SNTG1: variants seen among roughly 807,000 people sequenced by gnomAD.
SNTG1 encodes syntrophin gamma 1.
A neutral mutation model predicts 74.7 loss-of-function variants in SNTG1; 39 were observed. The ratio of observed to expected loss-of-function variants is 0.52; its 90% CI spans 0.40 to 0.68. SNTG1 has a LOEUF of 0.68. Among genes scored for constraint, SNTG1 ranks in the 30% least tolerant of loss-of-function variants. SNTG1 has a pLI of 0.00. For missense variants in SNTG1, 685 were observed against 609.5 expected (o/e 1.12, Z -1.30); for synonymous variants, 254 against 217.1 (o/e 1.17, Z -1.49).
In SNTG1 at chr8:50,321,682, T is replaced by C. The variant is rs557552736; in HGVS notation, c.-27-72530T>C. Among the ~76,000 whole-genome samples the C allele has an allele frequency of 8.0e-4, 122 of 152,222 alleles. 2 individuals are homozygous for C. Among genetic ancestry groups the C allele is most frequent in the Admixed American group, 2.7e-3 (41 of 15,292 alleles). ...AATTTCTTGCTTTTCAATATTTGTA[T>C]ACTTGTTGTGTGCTTGTAGATTTGA... On this transcript the variant is annotated intron_variant, in intron 2 of 18. Coordinates refer to ENST00000642720, the MANE Select transcript of SNTG1 (RefSeq NM_018967.5).
intron 2 of SNTG1, chr8:50,286,692 A>G (rs976847100): frequency 1.2e-4 from 18 of 152,158 alleles, no homozygotes; most frequent in Non-Finnish European, 2.5e-4. Context: ...TGTTAATTGC[A>G]CTATGTTAAA....
At chr8:49,929,914 T>C (rs2628420) in intron 1 of SNTG1, among the ~76,000 whole-genome samples, 23,201 of 132,750 alleles carry the variant, frequency 0.17, 3,796 homozygotes, top group African/African-American at 0.44. Context: ...CCCCTTCCTG[T>C]GTCCATGTGA....
At chr8:50,159,513 T>C (rs2082350881) in intron 1 of SNTG1, among the ~76,000 whole-genome samples, 1 of 152,222 alleles carries the variant, frequency 6.6e-6, no homozygotes, top group East Asian at 1.9e-4. Flanking sequence ...TTAATTTGTG[T>C]TTTTCTAGTC....
At chr8:50,071,475 A>G (rs935920859) in intron 1 of SNTG1, among the ~76,000 whole-genome samples, 4 of 152,116 alleles carry the variant, frequency 2.6e-5, no homozygotes, top group African/African-American at 4.8e-5. Flanking sequence ...ATACATATAC[A>G]TATACATATT....
In SNTG1 at chr8:50,276,373, T is replaced by TTATATATA. The variant is rs6150576; in HGVS notation, c.-28+103767_-28+103774dup. ...GCACACATATATGTGCAAGTAAATTTTATATATATATATATATATATATAT... is the reference window on the plus strand; with the variant it reads ...GCACACATATATGTGCAAGTAAATTTTATATATATATATATATATATATATATATATAT... On this transcript the variant is annotated intron_variant, in intron 2 of 18. Transcript: ENST00000642720. 2.6e-3 allele frequency among the ~76,000 whole-genome samples: 370 copies of TTATATATA among 143,340 alleles called. 2 individuals carry two copies. Among genetic ancestry groups the TTATATATA allele is most frequent in the African/African-American group, 8.9e-3 (329 of 37,030 alleles). 94.0% of individuals were successfully genotyped at this position (143,340 alleles called of 152,430 possible).
At chr8:49,986,281 C>G (rs930203897) in intron 1 of SNTG1, among the ~76,000 whole-genome samples, 8 of 152,138 alleles carry the variant, frequency 5.3e-5, no homozygotes, top group African/African-American at 1.7e-4. Flanking sequence ...GATAAAGGAT[C>G]TAATTGGGTC....
At chr8:50,201,095 A>G (rs1421584020) in intron 2 of SNTG1, among the ~76,000 whole-genome samples, 1 of 152,162 alleles carries the variant, frequency 6.6e-6, no homozygotes, top group Non-Finnish European at 1.5e-5. Flanking sequence ...CATGAAAAAA[A>G]CAATATGTTA....
chr8:49,983,150 A>C (rs1027946678), intron 1 of SNTG1, among the ~76,000 whole-genome samples: 3 of 152,208 alleles, frequency 2.0e-5, no homozygotes, highest in Non-Finnish European at 4.4e-5. Context: ...TTATGCAATC[A>C]TTTTGATGCT....
rs368270495 is a variant in SNTG1 at position 50,324,200 on chromosome 8, C to T, written c.-27-70012C>T. The stretch of plus-strand genomic sequence containing the variant: ...TGGTAAATATTTTCCCTCCTTGTGC[C>T]GGCCCTGGCTAATCCCAATATGGTT... On this transcript the variant is annotated intron_variant, in intron 2 of 18. Coordinates refer to ENST00000642720, the MANE Select transcript of SNTG1 (RefSeq NM_018967.5). Among the ~76,000 whole-genome samples, 15 of 152,278 alleles carry T rather than the reference C, an allele frequency of 9.9e-5. No homozygotes were observed. The East Asian group carries it at 1.2e-3, about 12-fold the overall frequency.
At chr8:50,106,178 G>A (rs2080362498) in intron 1 of SNTG1, among the ~76,000 whole-genome samples, 1 of 152,044 alleles carries the variant, frequency 6.6e-6, no homozygotes, top group Non-Finnish European at 1.5e-5. Context: ...ATGAATGGGA[G>A]GCCTAAGGAA....
chr8:50,334,685 G>A (rs2091082768), intron 2 of SNTG1, among the ~76,000 whole-genome samples: 1 of 152,040 alleles, frequency 6.6e-6, no homozygotes, highest in Non-Finnish European at 1.5e-5. Flanking sequence ...TGTGCTATCT[G>A]GGCAAATTAC....
chr8:50,299,029 A>G (rs185386059), intron 2 of SNTG1, among the ~76,000 whole-genome samples: 1 of 152,290 alleles, frequency 6.6e-6, no homozygotes, highest in East Asian at 1.9e-4. Flanking sequence ...ATTGAACTTG[A>G]ACACTCAAAA....
At chr8:50,040,642 G>A (rs1202764096) in intron 1 of SNTG1, among the ~76,000 whole-genome samples, 6 of 152,246 alleles carry the variant, frequency 3.9e-5, no homozygotes, top group Non-Finnish European at 8.8e-5. Context: ...ACAAAGGGAA[G>A]GAGATGCTTA....
intron 1 of SNTG1, among the ~76,000 whole-genome samples, chr8:50,106,633 T>C (rs2080382573): frequency 6.6e-6 from 1 of 152,198 alleles, no homozygotes; most frequent in African/African-American, 2.4e-5. Context: ...TGTTGAATTC[T>C]ATCAAAAGTA....
At chr8:50,334,616 G>T (rs1563912089) in intron 2 of SNTG1, among the ~76,000 whole-genome samples, 1 of 152,022 alleles carries the variant, frequency 6.6e-6, no homozygotes, top group Non-Finnish European at 1.5e-5. Flanking sequence ...GGGAGAACAT[G>T]CTGAAAGGTA....
At chr8:50,415,245 T>G (rs1392815268) in intron 4 of SNTG1, among the ~76,000 whole-genome samples, 2 of 152,090 alleles carry the variant, frequency 1.3e-5, no homozygotes, top group Admixed American at 1.3e-4. Context: ...CTAGAGGTAT[T>G]CCAAAGACTA....
At position 50,412,273 on chromosome 8, in the gene SNTG1, A is replaced by G. The variant is rs28751973; in HGVS notation, c.162+9929A>G. Reference sequence around the variant, plus strand: ...TTCTTTATACATATAAAGCAAATTTATTGACAACTCTTTAATACTTAGTTT... The same window carrying G: ...TTCTTTATACATATAAAGCAAATTTGTTGACAACTCTTTAATACTTAGTTT... On this transcript the variant is annotated intron_variant, in intron 4 of 18. Coordinates refer to ENST00000642720, the MANE Select transcript of SNTG1 (RefSeq NM_018967.5). Among the ~76,000 whole-genome samples the G allele has an allele frequency of 5.5e-3, 836 of 152,262 alleles. 7 individuals are homozygous for G. Among genetic ancestry groups the G allele is most frequent in the African/African-American group, 0.019 (794 of 41,552 alleles).
intron 4 of SNTG1, among the ~76,000 whole-genome samples, chr8:50,432,495 T>A (rs942642719): frequency 6.6e-6 from 1 of 152,114 alleles, no homozygotes; most frequent in Non-Finnish European, 1.5e-5. Flanking sequence ...CTGGTTATTA[T>A]AGGTCTTTTG....
intron 18 of SNTG1, among the ~76,000 whole-genome samples, chr8:50,781,222 A>G (rs1057020959): frequency 1.3e-5 from 2 of 152,142 alleles, no homozygotes; most frequent in Non-Finnish European, 2.9e-5. Flanking sequence ...TATTAAGTCC[A>G]CTTGGTGCAG....
Sources: allele counts gnomAD v4.1 joint callset (sites outside exome capture counted in the v4.1 genomes callset), GRCh38; gene constraint gnomAD v4.1.1; transcripts MANE v1.5; gene names NCBI Gene and HGNC (gene_info 2026-07-23, HGNC 2026-07-21).